Variants in CORO1C observed in about 807,000 individuals in gnomAD.
CORO1C encodes the protein coronin 1C, also known as coronin-1C.
A neutral mutation model predicts 51.2 loss-of-function variants in CORO1C; 14 were observed. The ratio of observed to expected loss-of-function variants is 0.27; its 90% confidence interval spans 0.18 to 0.43. The LOEUF is 0.43. Ranked by LOEUF, CORO1C falls within the 20% of genes least tolerant of loss-of-function variation. The pLI, the probability that CORO1C is intolerant of heterozygous loss-of-function variation, is 1.00. For missense variants in CORO1C, 417 were observed against 607.8 expected, an observed-to-expected ratio of 0.69 and a Z score of 3.30; for synonymous variants, 181 against 210.5, an observed-to-expected ratio of 0.86 and a Z score of 1.21.
chr12:108,651,038 G>A (rs540910200), intron 8 of CORO1C, among the ~76,000 whole-genome samples: 30 of 152,244 alleles, frequency 2.0e-4, no homozygotes, highest in African/African-American at 6.5e-4. Flanking sequence ...GGCTCACTCC[G>A]CCTCCTGGGT....
intron 3 of CORO1C, among the ~76,000 whole-genome samples, chr12:108,667,891 G>A (rs1222964188): frequency 1.3e-5 from 2 of 152,076 alleles, no homozygotes; most frequent in Admixed American, 1.3e-4. Flanking sequence ...ATCCCAACAA[G>A]AAAAAAGGAA....
At chr12:108,713,071 G>T (rs1241635053) in intron 1 of CORO1C, among the ~76,000 whole-genome samples, 1 of 151,950 alleles carries the variant, frequency 6.6e-6, no homozygotes, top group Non-Finnish European at 1.5e-5. Context: ...ATTCATACAT[G>T]AGACATTCCA....
At chr12:108,707,114 A>G (rs1232782594) in intron 1 of CORO1C, among the ~76,000 whole-genome samples, 1 of 152,228 alleles carries the variant, frequency 6.6e-6, no homozygotes, top group Middle Eastern at 3.2e-3. Flanking sequence ...ATATTCCCCA[A>G]ACTAAGATAT....
At chr12:108,688,642 C>T (rs569407205) in intron 2 of CORO1C, among the ~76,000 whole-genome samples, 5 of 152,276 alleles carry the variant, frequency 3.3e-5, no homozygotes, top group Non-Finnish European at 7.4e-5. Flanking sequence ...CACGGTGGCT[C>T]ACACCTGTAA....
Position 108,657,348 on chromosome 12 carries a change from C to T in CORO1C, c.706G>A (p.Gly236Arg). 1 of 1,614,116 alleles carries T rather than the reference C, an allele frequency of 6.2e-7. No homozygotes were observed. The highest frequency in any genetic ancestry group is 8.5e-7 in the Non-Finnish European group (1 of 1,179,984). Residue 236 changes from glycine to arginine, a missense_variant, in exon 6 of 11, where the codon GGG becomes AGG. Transcript: ENST00000261401. The stretch of plus-strand genomic sequence containing the variant: ...TGCCGCTCGCTCATGCGGCTGAACC[C>T]AGTGGTGAAGACATTGCCATCGGCC... ...FLADGNVFTT[G>R]FSRMSERQLA...
At chr12:108,705,043 T>C (rs2034987862) in intron 1 of CORO1C, among the ~76,000 whole-genome samples, 1 of 152,186 alleles carries the variant, frequency 6.6e-6, no homozygotes, top group African/African-American at 2.4e-5. Context: ...AATCACTCAA[T>C]AAATACTAGC....
chr12:108,704,656 C>T (rs766813780), intron 1 of CORO1C, among the ~76,000 whole-genome samples: 16 of 152,208 alleles, frequency 1.1e-4, no homozygotes, highest in African/African-American at 2.9e-4. Flanking sequence ...CTAAGCGGAG[C>T]TTGAAGGGCA....
chr12:108,654,469 ATT>A (rs966839169), intron 6 of CORO1C, 59 bp from the exon 7 acceptor site: 7 of 972,772 alleles, frequency 7.2e-6, no homozygotes, highest in African/African-American at 3.3e-5. Flanking sequence ...TTAAAAATAA[ATT>A]TTTATAACCT....
chr12:108,649,184 T>C (rs1212076067), intron 8 of CORO1C, 164 bp from the exon 9 acceptor site: 2 of 733,964 alleles, frequency 2.7e-6, no homozygotes, highest in Admixed American at 5.6e-5. Context: ...GTGTTCCCGG[T>C]TGACAGATGA....
At chr12:108,719,328 AAC>A (rs1237832270) in intron 1 of CORO1C, among the ~76,000 whole-genome samples, 3 of 152,358 alleles carry the variant, frequency 2.0e-5, no homozygotes, top group Non-Finnish European at 4.4e-5. Context: ...TACCAGAAAT[AAC>A]ACACACACGT....
rs1426141374 is a variant in CORO1C at position 108,660,471 on chromosome 12, AAAG to A, written c.448+1555_449-1553del. On this transcript the variant is annotated intron_variant, in intron 4 of 10. Transcript: ENST00000261401. The stretch of plus-strand genomic sequence containing the variant: ...CATCTCAAAAAAAAAAAAAAAAAAA[AAAG>A]AAGTAGGAAACTGGAGAAAAAAACT... Among the ~76,000 whole-genome samples the A allele has an allele frequency of 5.4e-3, 805 of 147,778 alleles. 7 individuals carry two copies. Among genetic ancestry groups the A allele is most frequent in the African/African-American group, 0.019 (752 of 39,658 alleles).
intron 1 of CORO1C, among the ~76,000 whole-genome samples, chr12:108,719,826 C>A (rs2035433090): frequency 6.6e-6 from 1 of 152,232 alleles, no homozygotes; most frequent in Non-Finnish European, 1.5e-5. Context: ...CTTGCCATAT[C>A]TATCTTCATT....
At chr12:108,662,646 G>A (rs1480249857) in intron 3 of CORO1C, among the ~76,000 whole-genome samples, 1 of 152,142 alleles carries the variant, frequency 6.6e-6, no homozygotes, top group Non-Finnish European at 1.5e-5. Flanking sequence ...ACTACAAAAT[G>A]ATTGAAACAC....
chr12:108,669,177 T>C (rs1020006468), intron 3 of CORO1C, among the ~76,000 whole-genome samples: 4 of 152,248 alleles, frequency 2.6e-5, no homozygotes, highest in Admixed American at 1.3e-4. Flanking sequence ...AACTGCAAAG[T>C]AGCTGTCACT....
intron 3 of CORO1C, among the ~76,000 whole-genome samples, chr12:108,676,979 GAAAAGCGGGT>G (rs1027244481): frequency 1.7e-4 from 26 of 152,216 alleles, no homozygotes; most frequent in African/African-American, 6.3e-4. Flanking sequence ...AGCCCATGAG[GAAAAGCGGGT>G]AAATGTTTAA....
chr12:108,720,404 A>G (rs1378396400), intron 1 of CORO1C, among the ~76,000 whole-genome samples: 1 of 152,238 alleles, frequency 6.6e-6, no homozygotes, highest in Non-Finnish European at 1.5e-5. Flanking sequence ...CAAATAAAGC[A>G]TGTTTCAATA....
At chr12:108,713,832 T>C (rs2035253326) in intron 1 of CORO1C, among the ~76,000 whole-genome samples, 1 of 152,216 alleles carries the variant, frequency 6.6e-6, no homozygotes, top group Admixed American at 6.5e-5. Context: ...CAATGGCACT[T>C]AGAGCTCTGT....
chr12:108,657,516 C>T (rs1388740909), intron 5 of CORO1C, 93 bp from the exon 6 acceptor site: 2 of 1,348,230 alleles, frequency 1.5e-6, no homozygotes, highest in Non-Finnish European at 2.0e-6. Flanking sequence ...CACCAACTGC[C>T]ATTCATGTTC....
At chr12:108,711,066 T>C (rs188366137) in intron 1 of CORO1C, among the ~76,000 whole-genome samples, 3 of 152,042 alleles carry the variant, frequency 2.0e-5, no homozygotes, top group Non-Finnish European at 4.4e-5. Context: ...TGAAGTTAAA[T>C]GTACAAAATT....
Sources: gnomAD v4.1 joint callset for allele counts (sites outside exome capture counted in the v4.1 genomes callset) on GRCh38, gnomAD v4.1.1 for gene constraint, MANE v1.5 for transcripts, NCBI Gene and HGNC (gene_info 2026-07-23, HGNC 2026-07-21) for gene names.